TPD52: variants seen among roughly 807,000 people sequenced by gnomAD.
The protein encoded by TPD52 is prostate and colon associated protein.
TPD52 carries 17 observed loss-of-function variants against 31.3 expected under a neutral mutation model. The observed-to-expected ratio is 0.54, with a 90% confidence interval of 0.37 to 0.82. TPD52 has a LOEUF of 0.82. TPD52 is among the 40% of genes least tolerant of loss of function. The probability of loss-of-function intolerance (pLI) is 0.00; values close to 1 mark genes in which losing one functional copy is unlikely to be tolerated. For missense variants in TPD52, 212 were observed against 240.1 expected (o/e 0.88, Z 0.77); for synonymous variants, 83 against 89.6 (o/e 0.93, Z 0.42).
intron 1 of TPD52, among the ~76,000 whole-genome samples, chr8:80,077,564 G>A (rs1563605095): frequency 6.6e-6 from 1 of 152,104 alleles, no homozygotes; most frequent in Non-Finnish European, 1.5e-5. Flanking sequence ...GAGAGGCTGA[G>A]ATGTTGCGGT....
At chr8:80,070,816 T>A (rs1813689021) in intron 1 of TPD52, among the ~76,000 whole-genome samples, 1 of 152,230 alleles carries the variant, frequency 6.6e-6, no homozygotes, top group Non-Finnish European at 1.5e-5. Context: ...CTCTGCTGCC[T>A]TTAAAGATGT....
At chr8:80,065,934 ATTT>A (rs33925188) in intron 1 of TPD52, among the ~76,000 whole-genome samples, 3,312 of 129,504 alleles carry the variant, frequency 0.026, 74 homozygotes, top group African/African-American at 0.072. Flanking sequence ...CTGGCAACAG[ATTT>A]TTTTTTTTTT....
At chr8:80,123,469 G>GT in intron 1 of TPD52, among the ~76,000 whole-genome samples, 1 of 152,328 alleles carries the variant, frequency 6.6e-6, no homozygotes, top group Non-Finnish European at 1.5e-5. Flanking sequence ...GCTTGTGCCT[G>GT]TAATCCCAAC....
intron 1 of TPD52, among the ~76,000 whole-genome samples, chr8:80,154,750 C>A (rs55845224): frequency 0.57 from 76,738 of 133,882 alleles, 20,163 homozygotes; most frequent in East Asian, 0.73. Context: ...CACACACACA[C>A]ACAAAACACC....
chr8:80,064,902 T>C, intron 1 of TPD52: 1 of 518,480 alleles, frequency 1.9e-6, no homozygotes, highest in Middle Eastern at 2.9e-4. Context: ...GAGATCTTGC[T>C]GAGACTTTAA....
rs780926727 is a variant in TPD52 at position 80,137,733 on chromosome 8, C to T, written c.19+33692G>A. Among the ~76,000 whole-genome samples, 9 of 152,244 alleles carry T rather than the reference C, an allele frequency of 5.9e-5. No homozygotes were observed. In the South Asian group the frequency reaches 8.3e-4, roughly 14 times the overall value. On this transcript the variant is annotated intron_variant, in intron 1 of 7. Transcript: ENST00000518937. ...TCTTACAGCAGTACCAAGTTTATAA[C>T]GGTGCTAGTTCATATTGTTCTTTGA...
intron 1 of TPD52, among the ~76,000 whole-genome samples, chr8:80,116,831 T>A (rs1586330930): frequency 2.0e-5 from 3 of 149,926 alleles, no homozygotes; most frequent in Admixed American, 2.0e-4. Context: ...ATCCCAGGAA[T>A]GTAAGTTTGT....
intron 1 of TPD52, among the ~76,000 whole-genome samples, chr8:80,152,493 T>C (rs888021452): frequency 6.6e-6 from 1 of 152,164 alleles, no homozygotes; most frequent in East Asian, 1.9e-4. Context: ...ATGAAAGATG[T>C]CAGGCAGCCG....
In TPD52 at chr8:80,038,072, G is replaced by C; in HGVS notation, c.*44C>G. 3.7e-6 allele frequency: 6 copies of C among 1,605,954 alleles called. No individual in the cohort carries two copies. The highest frequency in any genetic ancestry group is 1.3e-5 in the African/African-American group (1 of 74,872). ...TGTTGACAAGATGTGCTTGGACCTC[G>C]CTTGCAGCATCTGGCAGTGGGTAGC... On this transcript the variant is annotated 3_prime_UTR_variant, in exon 8 of 8. Coordinates refer to ENST00000518937, the MANE Select transcript of TPD52 (RefSeq NM_001025253.3).
At chr8:80,051,739 A>G in intron 3 of TPD52, 111 bp from the exon 4 acceptor site, 5 of 849,818 alleles carry the variant, frequency 5.9e-6, no homozygotes, top group Non-Finnish European at 8.8e-6. Flanking sequence ...TCAAAAAGAG[A>G]AAACATTTTT....
intron 1 of TPD52, among the ~76,000 whole-genome samples, chr8:80,142,942 G>A (rs1022345208): frequency 6.6e-6 from 1 of 152,132 alleles, no homozygotes; most frequent in Non-Finnish European, 1.5e-5. Context: ...GGGAAGTGAG[G>A]TAAAAGTAGG....
At chr8:80,162,492 AT>A (rs953413395) in intron 1 of TPD52, among the ~76,000 whole-genome samples, 12 of 149,848 alleles carry the variant, frequency 8.0e-5, no homozygotes, top group African/African-American at 9.8e-5. Context: ...AAGCTCTGTA[AT>A]TTTTTTTTTA....
chr8:80,051,864 A>C, intron 3 of TPD52: 1 of 412,770 alleles, frequency 2.4e-6, no homozygotes, highest in Non-Finnish European at 4.3e-6. Flanking sequence ...AGAAAGACAG[A>C]GTCCTATAAA....
downstream of TPD52, among the ~76,000 whole-genome samples, chr8:80,034,432 C>A (rs893871368): frequency 6.6e-6 from 1 of 152,186 alleles, no homozygotes; most frequent in Non-Finnish European, 1.5e-5. Flanking sequence ...CCCAGCCATG[C>A]TTCCCTTGCT....
At chr8:80,168,321 C>A (rs1586437328) in intron 1 of TPD52, among the ~76,000 whole-genome samples, 1 of 152,086 alleles carries the variant, frequency 6.6e-6, no homozygotes, top group Admixed American at 6.6e-5. Context: ...GATAACTTCA[C>A]ATAAGAAGGT....
At chr8:80,136,206 ACACAT>A (rs1809397672) in intron 1 of TPD52, among the ~76,000 whole-genome samples, 1 of 149,024 alleles carries the variant, frequency 6.7e-6, no homozygotes, top group Non-Finnish European at 1.5e-5. Context: ...ACACTCACAC[ACACAT>A]TTAAACAAAA....
chr8:80,086,877 CAAAAAAAAAAAAAAAA>C (rs58864911), intron 1 of TPD52, among the ~76,000 whole-genome samples: 12 of 76,564 alleles, frequency 1.6e-4, no homozygotes, highest in African/African-American at 2.8e-4. Flanking sequence ...GCTGTCTCAA[CAAAAAAAAAAAAAAAA>C]AAAAAAAAAA....
chr8:80,053,946 A>G (rs1811614981), intron 2 of TPD52, among the ~76,000 whole-genome samples: 1 of 152,252 alleles, frequency 6.6e-6, no homozygotes, highest in Non-Finnish European at 1.5e-5. Context: ...TATACTGGAT[A>G]CATATACTCA....
intron 1 of TPD52, among the ~76,000 whole-genome samples, chr8:80,071,147 C>G (rs1813728607): frequency 6.6e-6 from 1 of 152,120 alleles, no homozygotes; most frequent in Non-Finnish European, 1.5e-5. Flanking sequence ...GGAGCAAGAC[C>G]CTGCCAACGC....
Sources: gnomAD v4.1 joint callset for allele counts (sites outside exome capture counted in the v4.1 genomes callset) on GRCh38, gnomAD v4.1.1 for gene constraint, MANE v1.5 for transcripts, NCBI Gene and HGNC (gene_info 2026-07-23, HGNC 2026-07-21) for gene names.